The following EPHB1 variants were observed in gnomAD, a reference collection of about 807,000 sequenced individuals.
EPHB1 encodes EPH receptor B1.
A neutral mutation model predicts 94.4 loss-of-function variants in EPHB1; 30 were observed. The observed-to-expected ratio is 0.32, with a 90% CI of 0.24 to 0.43. EPHB1 has a LOEUF of 0.43. EPHB1 is among the 20% of genes least tolerant of loss of function. EPHB1 has a pLI of 1.00. For missense variants in EPHB1, 1,055 were observed against 1,308.3 expected, an observed-to-expected ratio of 0.81 and a Z score of 2.99; for synonymous variants, 522 against 489.1, an observed-to-expected ratio of 1.07 and a Z score of -0.89.
chr3:134,994,023 C>T (rs1934906200), intron 3 of EPHB1, among the ~76,000 whole-genome samples: 2 of 152,226 alleles, frequency 1.3e-5, no homozygotes, highest in Admixed American at 1.3e-4. Flanking sequence ...CCATCTCTTC[C>T]ATGAAGCCCT....
chr3:134,910,601 G>C (rs919638003), intron 1 of EPHB1, among the ~76,000 whole-genome samples: 2 of 152,238 alleles, frequency 1.3e-5, no homozygotes, highest in African/African-American at 4.8e-5. Flanking sequence ...ATAGCAGCAT[G>C]AGTGACAGGC....
intron 12 of EPHB1, among the ~76,000 whole-genome samples, chr3:135,219,327 T>A (rs1168962898): frequency 6.6e-6 from 1 of 152,122 alleles, no homozygotes; most frequent in Non-Finnish European, 1.5e-5. Context: ...AATAGGCTTT[T>A]GCAGATGTAA....
intron 1 of EPHB1, among the ~76,000 whole-genome samples, chr3:134,904,370 A>T (rs571785808): frequency 6.6e-6 from 1 of 152,308 alleles, no homozygotes; most frequent in African/African-American, 2.4e-5. Flanking sequence ...TTTAAGGGAC[A>T]TAGTCGCTTT....
chr3:135,076,190 A>G (rs1937905113), intron 3 of EPHB1, among the ~76,000 whole-genome samples: 1 of 151,086 alleles, frequency 6.6e-6, no homozygotes, highest in Non-Finnish European at 1.5e-5. Context: ...ACATTGGTAA[A>G]TTGGATTCGA....
At chr3:135,005,941 T>A (rs1249473796) in intron 3 of EPHB1, among the ~76,000 whole-genome samples, 1 of 152,218 alleles carries the variant, frequency 6.6e-6, no homozygotes, top group Non-Finnish European at 1.5e-5. Flanking sequence ...GGCTGGGAGC[T>A]GTAGACCGGA....
chr3:134,944,345 G>T lies in EPHB1; in HGVS notation c.124-7026G>T, dbSNP rs891397919. On this transcript the variant is annotated intron_variant, in intron 2 of 15. Transcript: ENST00000398015. ...AGTATTCCATTGTATGGGCACATCA[G>T]ATTTTGTTTATGCACTCACCACTTG... is the stretch of plus-strand genomic sequence containing the variant. Among the ~76,000 whole-genome samples, 4 of 152,132 alleles carry T rather than the reference G, an allele frequency of 2.6e-5. No homozygotes were observed. The East Asian group carries it at 5.8e-4, about 22-fold the overall frequency.
At chr3:135,084,921 G>T (rs189768489) in intron 3 of EPHB1, among the ~76,000 whole-genome samples, 12 of 152,264 alleles carry the variant, frequency 7.9e-5, no homozygotes, top group Non-Finnish European at 1.5e-4. Flanking sequence ...CAAAGGTGAG[G>T]GAATTACTCT....
intron 11 of EPHB1, 126 bp downstream of exon 11, chr3:135,192,949 A>G: frequency 7.9e-7 from 1 of 1,265,580 alleles, no homozygotes; most frequent in Non-Finnish European, 1.1e-6. Flanking sequence ...GGCATTGGAG[A>G]TGTTAGCAGA....
At chr3:134,894,068 C>T (rs1480338706) in intron 1 of EPHB1, among the ~76,000 whole-genome samples, 2 of 152,220 alleles carry the variant, frequency 1.3e-5, no homozygotes, top group African/African-American at 4.8e-5. Context: ...TTCCTCCCCA[C>T]TTACCAAGCT....
At chr3:134,882,899 T>A (rs544204848) in intron 1 of EPHB1, among the ~76,000 whole-genome samples, 6 of 151,894 alleles carry the variant, frequency 4.0e-5, no homozygotes, top group Non-Finnish European at 7.4e-5. Context: ...CTCAGCTCAC[T>A]GCAACCTCTG....
chr3:134,800,642 AAC>A (rs1165016075), intron 1 of EPHB1, among the ~76,000 whole-genome samples: 1 of 152,190 alleles, frequency 6.6e-6, no homozygotes, highest in East Asian at 1.9e-4. Flanking sequence ...AATGTTTCTA[AAC>A]CAGGTTACAG....
intron 13 of EPHB1, among the ~76,000 whole-genome samples, chr3:135,241,760 G>A (rs1232405108): frequency 6.6e-6 from 1 of 152,212 alleles, no homozygotes; most frequent in Admixed American, 6.5e-5. Flanking sequence ...CGCAGTTTCT[G>A]TGTGGGACTT....
intron 3 of EPHB1, among the ~76,000 whole-genome samples, chr3:135,043,670 G>A (rs1179492657): frequency 6.6e-6 from 1 of 152,210 alleles, no homozygotes; most frequent in African/African-American, 2.4e-5. Context: ...CTCCACATAA[G>A]GTCCGGCTCC....
intron 3 of EPHB1, among the ~76,000 whole-genome samples, chr3:135,083,169 TTGGAGCA>T (rs1938222124): frequency 6.6e-6 from 1 of 152,098 alleles, no homozygotes; most frequent in African/African-American, 2.4e-5. Context: ...GATGACCCCA[TTGGAGCA>T]GCTGTAGAAA....
intron 3 of EPHB1, among the ~76,000 whole-genome samples, chr3:135,020,202 T>C (rs1156398541): frequency 6.6e-6 from 1 of 152,236 alleles, no homozygotes; most frequent in East Asian, 1.9e-4. Context: ...TCCCCAAACA[T>C]GTTACAATAT....
chr3:134,951,311 G>C lies in EPHB1; in HGVS notation c.124-60G>C. On this transcript the variant is annotated intron_variant, in intron 2 of 15. Coordinates refer to ENST00000398015, the MANE Select transcript of EPHB1 (RefSeq NM_004441.5). The surrounding 1 kb of genome is among the most constrained non-coding windows in gnomAD (Gnocchi z 4.5). ...ATTCTCCTCTGCTATGCCTATTTTTGTATTCTCACTCTCTATTTTGTGTTT... is the reference window on the plus strand; with the variant it reads ...ATTCTCCTCTGCTATGCCTATTTTTCTATTCTCACTCTCTATTTTGTGTTT... The C allele has an allele frequency of 2.8e-6, 4 of 1,443,482 alleles. No individual in the cohort carries two copies. The highest frequency in any genetic ancestry group is 2.8e-6 in the Non-Finnish European group (3 of 1,085,276). The allele number at this position is 1,443,482 out of a possible 1,614,324, so 89.4% of individuals were successfully genotyped here.
rs116540750 is a variant in EPHB1 at position 135,129,314 on chromosome 3, G to A, written c.962-3400G>A. Among the ~76,000 whole-genome samples, 746 of 152,074 alleles carry A rather than the reference G, an allele frequency of 4.9e-3. 9 individuals carry two copies. The highest frequency in any genetic ancestry group is 0.017 in the African/African-American group (708 of 41,470). On this transcript the variant is annotated intron_variant, in intron 4 of 15. Transcript: ENST00000398015. ...GTGGGTCTTCCCAGCTGTCAGGGAG[G>A]CCACTAGATGAGAGACTGGGCAAAA...
At chr3:134,892,052 C>T (rs958822031) in intron 1 of EPHB1, among the ~76,000 whole-genome samples, 4 of 152,212 alleles carry the variant, frequency 2.6e-5, no homozygotes, top group Admixed American at 2.0e-4. Flanking sequence ...CCTCTCCAAA[C>T]TTTTGCTACT....
chr3:135,216,350 A>G (rs1205322903), intron 12 of EPHB1, among the ~76,000 whole-genome samples: 12 of 152,118 alleles, frequency 7.9e-5, no homozygotes, highest in African/African-American at 2.9e-4. Flanking sequence ...TGGAAAAGAA[A>G]AAGCAAAAAC....
Sources: gnomAD v4.1 joint callset for allele counts (sites outside exome capture counted in the v4.1 genomes callset) on GRCh38, gnomAD v4.1.1 for gene constraint, Gnocchi (gnomAD v3.1) non-coding constraint, MANE v1.5 for transcripts, NCBI Gene and HGNC (gene_info 2026-07-23, HGNC 2026-07-21) for gene names.